AMER1: variants seen among roughly 807,000 people sequenced by gnomAD.
The protein encoded by AMER1 is RP11-403E24.2.
AMER1 carries 16 observed loss-of-function variants against 53.0 expected under a neutral mutation model. The observed-to-expected ratio is 0.30, with a 90% confidence interval of 0.20 to 0.46. AMER1 has a LOEUF of 0.46. Ranked by LOEUF, AMER1 falls within the 20% of genes least tolerant of loss-of-function variation. The pLI is 1.00. For missense variants in AMER1, 947 were observed against 884.9 expected, an observed-to-expected ratio of 1.07 and a Z score of -0.89; for synonymous variants, 354 against 331.9, an observed-to-expected ratio of 1.07 and a Z score of -0.73.
Position 64,189,793 on chromosome X carries a change from A to AGGGGGGGCCCCCCCCCCCC in AMER1, c.*85_*86insGGGGGGGGGGGGCCCCCCC. 3.4e-6 allele frequency: 1 copy of AGGGGGGGCCCCCCCCCCCC among 292,065 alleles called. No individual in the cohort carries two copies. Among genetic ancestry groups the AGGGGGGGCCCCCCCCCCCC allele is most frequent in the East Asian group, 1.7e-4 (1 of 5,962 alleles). The allele number at this position is 292,065 out of a possible 1,213,427, so 24.1% of individuals were successfully genotyped here. ...CAAAGGGTTTTCAAGTTAAACAACAACCCCCACCCCCCCACCCTTCTGCCC... is the reference window on the plus strand; with the variant it reads ...CAAAGGGTTTTCAAGTTAAACAACAAGGGGGGGCCCCCCCCCCCCCCCCCACCCCCCCACCCTTCTGCCC... On this transcript the variant is annotated 3_prime_UTR_variant, in exon 2 of 2. Transcript: ENST00000374869.
rs767244422 is a variant in AMER1 at position 64,186,009 on chromosome X, C to T, written c.*3870G>A. 2.8e-6 allele frequency: 2 copies of T among 716,536 alleles called. No homozygotes were observed. Among genetic ancestry groups the T allele is most frequent in the Admixed American group, 3.3e-5 (1 of 30,621 alleles). 59.1% of individuals were successfully genotyped at this position (716,536 alleles called of 1,213,427 possible). ...TTCAAAACTAAAGCACAAAACATAA[C>T]GAGGAAAAAAAATAAGACACATGAG... is the stretch of plus-strand genomic sequence containing the variant. On this transcript the variant is annotated 3_prime_UTR_variant, in exon 2 of 2. Transcript: ENST00000374869.
At position 64,187,640 on chromosome X, in the gene AMER1, A is replaced by G; in HGVS notation, c.*2239T>C. ...GCTGTGGCTGGCACAGTCCACATGT[A>G]GACAGGAGCTCAAGCTGCCCTGAAA... is the stretch of plus-strand genomic sequence containing the variant. On this transcript the variant is annotated 3_prime_UTR_variant, in exon 2 of 2. Coordinates refer to ENST00000374869, the MANE Select transcript of AMER1 (RefSeq NM_152424.4). The G allele has an allele frequency of 1.3e-6, 1 of 775,811 alleles. No individual in the cohort carries two copies. 63.9% of individuals were successfully genotyped at this position (775,811 alleles called of 1,213,427 possible). A position where few individuals can be genotyped will look rare whatever the true frequency, so the allele number is the denominator to read the frequency against.
In AMER1 at chrX:64,189,478, GTATGTA is replaced by G. The variant is rs1321484286; in HGVS notation, c.*395_*400del. ...TGCATGTGTGTTTGTGTGTGTGTGTGTATGTATGTGTGTGTGTGTGTGTGTGTGTGT... is the reference window on the plus strand; with the variant it reads ...TGCATGTGTGTTTGTGTGTGTGTGTGTGTGTGTGTGTGTGTGTGTGTGTGT... On this transcript the variant is annotated 3_prime_UTR_variant, in exon 2 of 2. Transcript: ENST00000374869. 50 of 594,636 alleles carry G rather than the reference GTATGTA, an allele frequency of 8.4e-5. No homozygotes were observed. The highest frequency in any genetic ancestry group is 9.0e-5 in the Non-Finnish European group (46 of 513,337). 49.0% of individuals were successfully genotyped at this position (594,636 alleles called of 1,213,427 possible). A position where few individuals can be genotyped will look rare whatever the true frequency, so the allele number is the denominator to read the frequency against.
Position 64,186,099 on chromosome X carries a change from C to T in AMER1, c.*3780G>A. The T allele has an allele frequency of 8.4e-7, 1 of 1,196,380 alleles. No homozygotes were observed. Among genetic ancestry groups the T allele is most frequent in the Non-Finnish European group, 1.1e-6 (1 of 882,465 alleles). ...AAGAAAGAAAAACATAAAATAAAGC[C>T]AGAAAATGACAAGCTGTCTACCAGG... On this transcript the variant is annotated 3_prime_UTR_variant, in exon 2 of 2. Coordinates refer to ENST00000374869, the MANE Select transcript of AMER1 (RefSeq NM_152424.4).
intron 1 of AMER1, among the ~76,000 whole-genome samples, chrX:64,197,521 G>T (rs1930398745): frequency 8.9e-6 from 1 of 112,894 alleles, no homozygotes. Flanking sequence ...AGCTTCCCGG[G>T]GCCAGCATGG....
chrX:64,185,676 AG>A lies in AMER1; in HGVS notation c.*4202del, dbSNP rs1930090299. Reference sequence around the variant, plus strand: ...CGTGTGAGCTGGAGCAGGGCAGGGGAGGGGGAATGGTGGTAGGGGAGGAGAT... The same window carrying A: ...CGTGTGAGCTGGAGCAGGGCAGGGGAGGGGAATGGTGGTAGGGGAGGAGAT... On this transcript the variant is annotated 3_prime_UTR_variant, in exon 2 of 2. Transcript: ENST00000374869. The A allele has an allele frequency of 5.6e-6, 1 of 177,729 alleles. No homozygotes were observed. The highest frequency in any genetic ancestry group is 8.3e-5 in the East Asian group (1 of 12,037). The allele number at this position is 177,729 out of a possible 1,213,427, so 14.6% of individuals were successfully genotyped here.
intron 1 of AMER1, among the ~76,000 whole-genome samples, chrX:64,205,137 G>T (rs1253787821): frequency 8.8e-6 from 1 of 113,855 alleles, no homozygotes; most frequent in Non-Finnish European, 1.9e-5. Flanking sequence ...GCCGGAGAGA[G>T]GGGTGAGCGG....
Position 64,189,793 on chromosome X carries a change from A to ACGGGGGCC in AMER1, c.*85_*86insGGCCCCCG. 2 of 292,051 alleles carry ACGGGGGCC rather than the reference A, an allele frequency of 6.8e-6. No individual in the cohort carries two copies. The highest frequency in any genetic ancestry group is 1.7e-4 in the East Asian group (1 of 5,962). The allele number at this position is 292,051 out of a possible 1,213,427, so 24.1% of individuals were successfully genotyped here. A position where few individuals can be genotyped will look rare whatever the true frequency, so the allele number is the denominator to read the frequency against. ...CAAAGGGTTTTCAAGTTAAACAACA[A>ACGGGGGCC]CCCCCACCCCCCCACCCTTCTGCCC... is the stretch of plus-strand genomic sequence containing the variant. On this transcript the variant is annotated 3_prime_UTR_variant, in exon 2 of 2. Coordinates refer to ENST00000374869, the MANE Select transcript of AMER1 (RefSeq NM_152424.4).
At chrX:64,203,222 A>G (rs1468798654) in intron 1 of AMER1, among the ~76,000 whole-genome samples, 3 of 111,767 alleles carry the variant, frequency 2.7e-5, no homozygotes, top group Non-Finnish European at 5.6e-5. Context: ...GGGAAGATAT[A>G]TCATGATTTT....
chrX:64,191,969 C>T lies in AMER1; in HGVS notation c.1318G>A (p.Asp440Asn), dbSNP rs1306045176. 1.2e-5 allele frequency: 14 copies of T among 1,211,837 alleles called. No homozygotes were observed. Among genetic ancestry groups the T allele is most frequent in the Non-Finnish European group, 1.5e-5 (13 of 895,521 alleles). ...AGGCCAGGATAAGACCTAACTGGGT[C>T]AAGGAGCATGTAGCCGTGGTGGCCT... ...SPGHHGYMLL[D>N]PVRSYPGLAP... Residue 440 changes from aspartate to asparagine, a missense_variant, in exon 2 of 2, where the codon GAC becomes AAC. Physicochemically the swap from Asp to Asn is conservative, Grantham distance 23. Transcript: ENST00000374869.
At position 64,190,174 on chromosome X, in the gene AMER1, G is replaced by A; in HGVS notation, c.3113C>T (p.Pro1038Leu). ...LPMGPCYNLQPQASQSMRARP... is the reference protein window; with the variant it reads ...LPMGPCYNLQLQASQSMRARP... Reference sequence around the variant, plus strand: ...GGCCCTCATGCTCTGGGAGGCCTGTGGCTGGAGGTTATAGCAAGGGCCCAT... The same window carrying A: ...GGCCCTCATGCTCTGGGAGGCCTGTAGCTGGAGGTTATAGCAAGGGCCCAT... The change falls in exon 2 of 2, where the codon CCA becomes CTA. Residue 1038 changes from proline (P) to leucine (L), a missense_variant. Coordinates refer to ENST00000374869, the MANE Select transcript of AMER1 (RefSeq NM_152424.4). 1.2e-5 allele frequency: 15 copies of A among 1,209,222 alleles called. No individual in the cohort carries two copies. Among genetic ancestry groups the A allele is most frequent in the Non-Finnish European group, 1.7e-5 (15 of 894,016 alleles).
chrX:64,192,147 CTCG>C lies in AMER1; in HGVS notation c.1137_1139del (p.Asp379del), dbSNP rs1428835130. 1 of 1,209,215 alleles carries C rather than the reference CTCG, an allele frequency of 8.3e-7. No homozygotes were observed. The highest frequency in any genetic ancestry group is 1.8e-5 in the African/African-American group (1 of 57,141). ...CCACCTCTTCTTCCTCTTCTTCCTC[CTCG>C]TCATCATCATCTGGCAAGGCCATCT... On this transcript the variant is annotated inframe_deletion, in exon 2 of 2. Coordinates refer to ENST00000374869, the MANE Select transcript of AMER1 (RefSeq NM_152424.4).
intron 1 of AMER1, among the ~76,000 whole-genome samples, chrX:64,204,857 C>T (rs1477718789): frequency 8.8e-6 from 1 of 113,549 alleles, no homozygotes; most frequent in Non-Finnish European, 1.9e-5. Flanking sequence ...CCTGCCCGAC[C>T]GCGGGGGCGG....
chrX:64,192,653 G>A lies in AMER1; in HGVS notation c.634C>T (p.Pro212Ser), dbSNP rs2147090125. 1 of 1,166,659 alleles carries A rather than the reference G, an allele frequency of 8.6e-7. No individual in the cohort carries two copies. Among genetic ancestry groups the A allele is most frequent in the Non-Finnish European group, 1.1e-6 (1 of 876,173 alleles). ...GTCTCCTCAAAGCAGGGCACCTGAGGGGCTGAGCTCACGTGCTCATGAGGC... is the reference window on the plus strand; with the variant it reads ...GTCTCCTCAAAGCAGGGCACCTGAGAGGCTGAGCTCACGTGCTCATGAGGC... ...ARPHEHVSSAPQVPCFEETFQ... is the reference protein window; with the variant it reads ...ARPHEHVSSASQVPCFEETFQ... The change falls in exon 2 of 2, where the codon CCT (proline) becomes TCT (serine). Residue 212 changes from proline to serine, a missense_variant. Pro to Ser is a moderately conservative substitution (Grantham distance 74, BLOSUM62 -1). Coordinates refer to ENST00000374869, the MANE Select transcript of AMER1 (RefSeq NM_152424.4).
At chrX:64,197,576 G>A (rs1228495955) in intron 1 of AMER1, among the ~76,000 whole-genome samples, 1 of 112,917 alleles carries the variant, frequency 8.9e-6, no homozygotes, top group Non-Finnish European at 1.9e-5. Flanking sequence ...AGAAGCAAGT[G>A]GATTTATGCA....
In AMER1 at chrX:64,192,929, A is replaced by G; in HGVS notation, c.358T>C (p.Leu120=). ...VSEGTGFSLP[L]PELPCQFPSS... is the part of the protein sequence containing the mutation. ...GGAAATTGGCAGGGTAACTCAGGCA[A>G]AGGCAGGGAGAAGCCAGTTCCTTCA... The change falls in exon 2 of 2, where the codon TTG becomes CTG. Residue 120 remains leucine, a synonymous_variant. Transcript: ENST00000374869. The G allele has an allele frequency of 8.3e-7, 1 of 1,211,564 alleles. No homozygotes were observed. Among genetic ancestry groups the G allele is most frequent in the Non-Finnish European group, 1.1e-6 (1 of 895,475 alleles).
rs1012310442 is a variant in AMER1, at chrX:64,202,848, C to T, written c.-99+2722G>A. On this transcript the variant is annotated intron_variant, in intron 1 of 1. Coordinates refer to ENST00000374869, the MANE Select transcript of AMER1 (RefSeq NM_152424.4). ...AAAATAGCAACTCCCTGTCAATTCC[C>T]TACTCTTTGATGCCGCCTTCCCCTA... Among the ~76,000 whole-genome samples, 44 of 111,732 alleles carry T rather than the reference C, an allele frequency of 3.9e-4. 1 individual carries two copies. The highest frequency in any genetic ancestry group is 1.1e-3 in the African/African-American group (34 of 30,698).
chrX:64,189,042 C>T lies in AMER1; in HGVS notation c.*837G>A. 1 of 804,295 alleles carries T rather than the reference C, an allele frequency of 1.2e-6. No individual in the cohort carries two copies. The highest frequency in any genetic ancestry group is 1.5e-6 in the Non-Finnish European group (1 of 670,065). The allele number at this position is 804,295 out of a possible 1,213,427, so 66.3% of individuals were successfully genotyped here. On this transcript the variant is annotated 3_prime_UTR_variant, in exon 2 of 2. Coordinates refer to ENST00000374869, the MANE Select transcript of AMER1 (RefSeq NM_152424.4). ...CCACAACAGAACCTTGTTTTGTCTTCTGTTTGCAAATGGATGAATTTTATC... is the reference window on the plus strand; with the variant it reads ...CCACAACAGAACCTTGTTTTGTCTTTTGTTTGCAAATGGATGAATTTTATC...
chrX:64,193,309 C>T lies in AMER1; in HGVS notation c.-23G>A, dbSNP rs1233400159. The T allele has an allele frequency of 6.6e-6, 8 of 1,211,125 alleles. No individual in the cohort carries two copies. The highest frequency in any genetic ancestry group is 1.8e-5 in the South Asian group (1 of 56,957). Reference sequence around the variant, plus strand: ...CATGATGATGGGGACAACTGAGGTACGTCCAGCTGGAAATGCAGCCTCAGG... The same window carrying T: ...CATGATGATGGGGACAACTGAGGTATGTCCAGCTGGAAATGCAGCCTCAGG... On this transcript the variant is annotated 5_prime_UTR_variant, in exon 2 of 2. Transcript: ENST00000374869.
Sources: gnomAD v4.1 joint callset for allele counts (sites outside exome capture counted in the v4.1 genomes callset) on GRCh38, gnomAD v4.1.1 for gene constraint, MANE v1.5 for transcripts, NCBI Gene and HGNC (gene_info 2026-07-23, HGNC 2026-07-21) for gene names.